Variants in SYNE2 observed in about 807,000 individuals in gnomAD.
The protein encoded by SYNE2 is spectrin repeat containing nuclear envelope protein 2, also known as nesprin-2.
In SYNE2, 431 loss-of-function variants were observed where a neutral mutation model predicts 856.3. The observed-to-expected ratio is 0.50, with a 90% CI of 0.47 to 0.55. The LOEUF is 0.55. Among genes scored for constraint, SYNE2 ranks in the 20% least tolerant of loss-of-function variants. The pLI is 0.00. For synonymous variants in SYNE2, 2,923 were observed against 2,872.3 expected, an observed-to-expected ratio of 1.02 and a Z score of -0.56; for missense variants, 8,129 against 8,023.2, an observed-to-expected ratio of 1.01 and a Z score of -0.50.
intron 2 of SYNE2, among the ~76,000 whole-genome samples, chr14:63,928,678 T>C (rs1440073673): frequency 1.3e-5 from 2 of 152,340 alleles, no homozygotes; most frequent in East Asian, 3.9e-4. Context: ...TCTTTATTTA[T>C]TTCTGTTTGT....
chr14:64,149,991 CT>C (rs1359746537), intron 84 of SYNE2, among the ~76,000 whole-genome samples: 32 of 121,962 alleles, frequency 2.6e-4, no homozygotes, highest in Admixed American at 6.7e-4. Context: ...ATTGCCATGG[CT>C]TTTTTTTTTC....
intron 2 of SYNE2, among the ~76,000 whole-genome samples, chr14:63,938,815 G>C (rs766623578): frequency 6.6e-6 from 1 of 152,188 alleles, no homozygotes; most frequent in Non-Finnish European, 1.5e-5. Flanking sequence ...TTCATCATCC[G>C]TGGAAGCACT....
At chr14:63,883,715 A>G (rs1267432058) in intron 1 of SYNE2, among the ~76,000 whole-genome samples, 2 of 152,232 alleles carry the variant, frequency 1.3e-5, no homozygotes, top group Non-Finnish European at 2.9e-5. Flanking sequence ...TACAAGAAAA[A>G]TTACATTGGA....
intron 90 of SYNE2, among the ~76,000 whole-genome samples, chr14:64,166,206 T>G (rs532912273): frequency 1.3e-5 from 2 of 152,342 alleles, no homozygotes; most frequent in African/African-American, 4.8e-5. Context: ...AATAAAATTT[T>G]GATGGAACAC....
rs1566932555 is a variant in SYNE2 at position 63,967,692 on chromosome 14, T to G, written c.991-17T>G. ...AATTAAACATTTTCAATCTTTAAAA[T>G]ACTCTTCTAATTGCAGAGCCTGCTG... is the stretch of plus-strand genomic sequence containing the variant. On this transcript the variant is annotated splice_polypyrimidine_tract_variant and intron_variant, in intron 10 of 115. Transcript: ENST00000555002. 1 of 1,612,800 alleles carries G rather than the reference T, an allele frequency of 6.2e-7. No homozygotes were observed. The highest frequency in any genetic ancestry group is 1.3e-5 in the African/African-American group (1 of 75,034).
At chr14:63,976,855 C>T in intron 12 of SYNE2, 128 bp downstream of exon 12, 1 of 1,055,466 alleles carries the variant, frequency 9.5e-7, no homozygotes, top group Non-Finnish European at 1.4e-6. Context: ...AGAATGATTC[C>T]TCTGGGGATT....
chr14:64,145,257 G>T (rs1226516519), intron 83 of SYNE2, among the ~76,000 whole-genome samples: 1 of 151,746 alleles, frequency 6.6e-6, no homozygotes, highest in Non-Finnish European at 1.5e-5. Flanking sequence ...GTCATGACAG[G>T]CTGGGCGTGG....
At chr14:64,081,085 C>G (rs1217144929) in intron 56 of SYNE2, among the ~76,000 whole-genome samples, 4 of 152,144 alleles carry the variant, frequency 2.6e-5, no homozygotes, top group Non-Finnish European at 2.9e-5. Flanking sequence ...AGGCAGCATC[C>G]TAGTCTTAGA....
intron 113 of SYNE2, among the ~76,000 whole-genome samples, chr14:64,223,590 G>A (rs1190054528): frequency 2.7e-5 from 4 of 150,186 alleles, no homozygotes; most frequent in African/African-American, 9.8e-5. Context: ...AAAGGGAGTG[G>A]CGGGATGACA....
chr14:63,869,636 CAAA>C (rs35258750), intron 1 of SYNE2, among the ~76,000 whole-genome samples: 18 of 77,422 alleles, frequency 2.3e-4, no homozygotes, highest in African/African-American at 8.4e-4. Flanking sequence ...AACTTTGTCT[CAAA>C]AAAAAAAAAA....
At chr14:64,159,846 G>T (rs1253176070) in intron 87 of SYNE2, among the ~76,000 whole-genome samples, 1 of 152,208 alleles carries the variant, frequency 6.6e-6, no homozygotes, top group Non-Finnish European at 1.5e-5. Flanking sequence ...GGATGTTAGA[G>T]TATCTGTTGC....
intron 30 of SYNE2, among the ~76,000 whole-genome samples, chr14:64,005,464 C>T (rs905380142): frequency 1.3e-5 from 2 of 152,120 alleles, no homozygotes; most frequent in Non-Finnish European, 2.9e-5. Context: ...AAGAATGCTT[C>T]CAAGCATTGG....
intron 45 of SYNE2, among the ~76,000 whole-genome samples, chr14:64,044,532 C>G (rs1414650324): frequency 6.6e-6 from 1 of 152,094 alleles, no homozygotes; most frequent in African/African-American, 2.4e-5. Flanking sequence ...AATGTGAGGA[C>G]ATGAGATTTG....
intron 1 of SYNE2, among the ~76,000 whole-genome samples, chr14:63,806,996 T>C (rs957574080): frequency 1.3e-5 from 2 of 152,010 alleles, no homozygotes; most frequent in African/African-American, 4.8e-5. Context: ...ATTACAGGTG[T>C]GAGCCACTGA....
intron 109 of SYNE2, among the ~76,000 whole-genome samples, chr14:64,218,771 A>C (rs977490764): frequency 6.6e-6 from 1 of 152,164 alleles, no homozygotes; most frequent in East Asian, 1.9e-4. Context: ...TTCACTTTCT[A>C]TATTTGTGTG....
At position 64,208,838 on chromosome 14, in the gene SYNE2, C is replaced by A. The variant is rs201056822; in HGVS notation, c.18282C>A (p.Ser6094=). ...FNICDVLLHD[S]DACANETECD... ...TCTGTGACGTCCTACTGCACGACTC[C>A]GATGCCTGTGCAAATGAGACCGAGT... is the stretch of plus-strand genomic sequence containing the variant. Residue 6094 remains serine (S), a synonymous_variant, in exon 101 of 116, where the codon TCC becomes TCA. Coordinates refer to ENST00000555002, the MANE Select transcript of SYNE2 (RefSeq NM_182914.3). The A allele has an allele frequency of 1.9e-6, 3 of 1,614,198 alleles. No individual in the cohort carries two copies. The South Asian group carries it at 3.3e-5, about 18-fold the overall frequency.
rs554162273 is a variant in SYNE2, at chr14:64,209,031, G to A, written c.18389+86G>A. 200 of 1,500,604 alleles carry A rather than the reference G, an allele frequency of 1.3e-4. No individual in the cohort carries two copies. In the African/African-American group the frequency reaches 2.6e-3, roughly 20 times the overall value. 93.0% of individuals were successfully genotyped at this position (1,500,604 alleles called of 1,614,324 possible). On this transcript the variant is annotated intron_variant, in intron 101 of 115. Coordinates refer to ENST00000555002, the MANE Select transcript of SYNE2 (RefSeq NM_182914.3). Reference sequence around the variant, plus strand: ...TGACCTCATTCACAGTAACTATTCTGTTCATTTCACTTAGAAATGCGCCAG... The same window carrying A: ...TGACCTCATTCACAGTAACTATTCTATTCATTTCACTTAGAAATGCGCCAG...
Position 64,190,057 on chromosome 14 carries a change from G to C in SYNE2, c.17872-14G>C, listed in dbSNP as rs753525060. On this transcript the variant is annotated splice_polypyrimidine_tract_variant and intron_variant, in intron 98 of 115. Coordinates refer to ENST00000555002, the MANE Select transcript of SYNE2 (RefSeq NM_182914.3). Reference sequence around the variant, plus strand: ...GCTAATTAGCCAGGCTTTATGTTTTGGTGCCTTTGCCAGGACTGCATGGAA... The same window carrying C: ...GCTAATTAGCCAGGCTTTATGTTTTCGTGCCTTTGCCAGGACTGCATGGAA... 10 of 1,612,544 alleles carry C rather than the reference G, an allele frequency of 6.2e-6. No individual in the cohort carries two copies. The highest frequency in any genetic ancestry group is 2.2e-5 in the South Asian group (2 of 91,002).
At chr14:63,839,427 AC>A (rs1171736894) in intron 1 of SYNE2, among the ~76,000 whole-genome samples, 1 of 150,640 alleles carries the variant, frequency 6.6e-6, no homozygotes, top group Non-Finnish European at 1.5e-5. Context: ...GAGCATTACC[AC>A]CCCCCACGCC....
Sources: allele counts gnomAD v4.1 joint callset (sites outside exome capture counted in the v4.1 genomes callset), GRCh38; gene constraint gnomAD v4.1.1; transcripts MANE v1.5; gene names NCBI Gene and HGNC (gene_info 2026-07-23, HGNC 2026-07-21).